The following TMEM132D variants were observed in gnomAD, a reference collection of about 807,000 sequenced individuals.
TMEM132D encodes transmembrane protein 132D, also known as mature OL transmembrane protein.
In TMEM132D, 21 loss-of-function variants were observed where a neutral mutation model predicts 62.3. The ratio of observed to expected loss-of-function variants is 0.34; its 90% CI spans 0.24 to 0.49. The LOEUF (loss-of-function observed/expected upper bound fraction) is 0.49, where lower values mean the gene tolerates loss of function less well. Ranked by LOEUF, TMEM132D falls within the 20% of genes least tolerant of loss-of-function variation. The pLI is 0.99. For missense variants in TMEM132D, 1,346 were observed against 1,402.8 expected (o/e 0.96, Z 0.65); for synonymous variants, 621 against 575.6 (o/e 1.08, Z -1.13).
intron 2 of TMEM132D, among the ~76,000 whole-genome samples, chr12:129,683,961 G>A (rs1880845877): frequency 6.6e-6 from 1 of 152,076 alleles, no homozygotes; most frequent in South Asian, 2.1e-4. Flanking sequence ...TATAGTACAG[G>A]GTGAAGCTAT....
At chr12:129,081,643 A>T (rs1202921162) in intron 7 of TMEM132D, 116 bp downstream of exon 7, 1 of 1,400,178 alleles carries the variant, frequency 7.1e-7, no homozygotes, top group Middle Eastern at 2.2e-4. Flanking sequence ...GAATTTACCC[A>T]TCCTAAAAAT....
chr12:129,711,947 G>C (rs1868384118), intron 1 of TMEM132D, among the ~76,000 whole-genome samples: 1 of 151,648 alleles, frequency 6.6e-6, no homozygotes, highest in Non-Finnish European at 1.5e-5. Context: ...AGAAGTCGAG[G>C]GCTTCCTGAA....
At chr12:129,596,727 C>T (rs1253767107) in intron 2 of TMEM132D, among the ~76,000 whole-genome samples, 2 of 151,644 alleles carry the variant, frequency 1.3e-5, no homozygotes, top group East Asian at 1.9e-4. Flanking sequence ...CCACTCACTG[C>T]TTTTGATTGA....
rs140730050 is a variant in TMEM132D, at chr12:129,157,935, G to T, written c.1443+51585C>A. Among the ~76,000 whole-genome samples, 9 of 152,298 alleles carry T rather than the reference G, an allele frequency of 5.9e-5. No individual in the cohort carries two copies. The East Asian group carries it at 1.7e-3, about 29-fold the overall frequency. ...GTTTTAGCATGGCATGCTGGTGGAGGTATTGTTCAGTTTGGATGGAGAGAT... is the reference window on the plus strand; with the variant it reads ...GTTTTAGCATGGCATGCTGGTGGAGTTATTGTTCAGTTTGGATGGAGAGAT... On this transcript the variant is annotated intron_variant, in intron 5 of 8. Coordinates refer to ENST00000422113, the MANE Select transcript of TMEM132D (RefSeq NM_133448.3).
intron 4 of TMEM132D, among the ~76,000 whole-genome samples, chr12:129,267,320 G>A (rs865946294): frequency 1.3e-5 from 2 of 152,104 alleles, no homozygotes; most frequent in Admixed American, 6.5e-5. Flanking sequence ...TAAGCTGATA[G>A]GCAACTTCGG....
rs1593346737 is a variant in TMEM132D at position 129,349,259 on chromosome 12, C to G, written c.1116-11442G>C. Among the ~76,000 whole-genome samples, 4 of 152,302 alleles carry G rather than the reference C, an allele frequency of 2.6e-5. No individual in the cohort carries two copies. In the East Asian group the frequency reaches 5.8e-4, roughly 22 times the overall value. ...ACTTGAAGTATGCCAGACTTTGAATCCAGCTACCTATTTGCCTGAACCCAC... is the reference window on the plus strand; with the variant it reads ...ACTTGAAGTATGCCAGACTTTGAATGCAGCTACCTATTTGCCTGAACCCAC... On this transcript the variant is annotated intron_variant, in intron 3 of 8. Transcript: ENST00000422113.
chr12:129,620,523 C>T (rs767249303), intron 2 of TMEM132D, among the ~76,000 whole-genome samples: 4 of 152,244 alleles, frequency 2.6e-5, no homozygotes, highest in Non-Finnish European at 5.9e-5. Context: ...CACTTGAACC[C>T]GGGAGGCGGA....
intron 3 of TMEM132D, among the ~76,000 whole-genome samples, chr12:129,375,111 C>T (rs755924649): frequency 6.6e-6 from 1 of 152,230 alleles, no homozygotes; most frequent in Non-Finnish European, 1.5e-5. Context: ...GGAACTTGGG[C>T]TGCAGTACAG....
intron 2 of TMEM132D, among the ~76,000 whole-genome samples, chr12:129,562,927 T>C (rs560636574): frequency 6.6e-6 from 1 of 152,204 alleles, no homozygotes; most frequent in East Asian, 1.9e-4. Context: ...TGTACTCCAG[T>C]AGAACTCTGT....
chr12:129,146,231 G>A (rs1218914049), intron 5 of TMEM132D, among the ~76,000 whole-genome samples: 1 of 151,946 alleles, frequency 6.6e-6, no homozygotes, highest in Non-Finnish European at 1.5e-5. Flanking sequence ...TTCATTCCTG[G>A]TATCTCCTCA....
chr12:129,685,398 G>T (rs1593119485), intron 2 of TMEM132D, among the ~76,000 whole-genome samples: 2 of 152,220 alleles, frequency 1.3e-5, no homozygotes, highest in East Asian at 3.9e-4. Flanking sequence ...CATGGCTTCA[G>T]ATGGTAAAAG....
intron 5 of TMEM132D, among the ~76,000 whole-genome samples, chr12:129,097,229 C>T (rs375871893): frequency 2.0e-5 from 3 of 152,362 alleles, no homozygotes; most frequent in African/African-American, 4.8e-5. Context: ...CCAGCGGTGA[C>T]GACCAACAGT....
At chr12:129,450,970 G>T (rs990478350) in intron 3 of TMEM132D, among the ~76,000 whole-genome samples, 4 of 151,826 alleles carry the variant, frequency 2.6e-5, no homozygotes, top group African/African-American at 4.8e-5. Context: ...CACCATCTTG[G>T]CCAGGCTTGT....
intron 2 of TMEM132D, among the ~76,000 whole-genome samples, chr12:129,592,958 A>T (rs1048813658): frequency 6.6e-6 from 1 of 152,038 alleles, no homozygotes; most frequent in Non-Finnish European, 1.5e-5. Flanking sequence ...GAGGAGGAGG[A>T]GGTTGAGGAG....
chr12:129,276,432 A>C (rs1203542937), intron 4 of TMEM132D, among the ~76,000 whole-genome samples: 2 of 152,232 alleles, frequency 1.3e-5, no homozygotes, highest in Admixed American at 6.5e-5. Context: ...CTTATAAGCC[A>C]GGGATTTATG....
chr12:129,787,569 C>T (rs1871279029), intron 1 of TMEM132D, among the ~76,000 whole-genome samples: 1 of 152,160 alleles, frequency 6.6e-6, no homozygotes, highest in African/African-American at 2.4e-5. Context: ...TTCTCTTTCC[C>T]AAAACCTCAG....
rs1874753877 is a variant in TMEM132D, at chr12:129,088,540, T to A, written c.1444-3838A>T. On this transcript the variant is annotated intron_variant, in intron 5 of 8. Transcript: ENST00000422113. The stretch of plus-strand genomic sequence containing the variant: ...TGACCGGGTGTCCTCTATGACCGGG[T>A]GTCCTCCCTGACCGGGTGTCCTCCC... Among the ~76,000 whole-genome samples the A allele has an allele frequency of 9.5e-5, 3 of 31,720 alleles. 1 individual carries two copies. 20.8% of individuals were successfully genotyped at this position (31,720 alleles called of 152,430 possible). A position where few individuals can be genotyped will look rare whatever the true frequency, so the allele number is the denominator to read the frequency against.
chr12:129,864,799 CT>C (rs756530579), intron 1 of TMEM132D, among the ~76,000 whole-genome samples: 6 of 152,230 alleles, frequency 3.9e-5, no homozygotes, highest in South Asian at 4.1e-4. Flanking sequence ...TCAATGCCCC[CT>C]GACACTGTAC....
chr12:129,355,529 G>A (rs954037935), intron 3 of TMEM132D, among the ~76,000 whole-genome samples: 2 of 152,110 alleles, frequency 1.3e-5, no homozygotes, highest in Non-Finnish European at 2.9e-5. Flanking sequence ...AAACAAAAGT[G>A]AAGTTAGAGA....
Sources: gnomAD v4.1 joint callset for allele counts (sites outside exome capture counted in the v4.1 genomes callset) on GRCh38, gnomAD v4.1.1 for gene constraint, MANE v1.5 for transcripts, NCBI Gene and HGNC (gene_info 2026-07-23, HGNC 2026-07-21) for gene names.